The following LCLAT1 variants were observed in gnomAD, a reference collection of about 807,000 sequenced individuals.
The protein encoded by LCLAT1 is lysocardiolipin acyltransferase 1.
A neutral mutation model predicts 30.7 loss-of-function variants in LCLAT1; 11 were observed. The observed-to-expected ratio is 0.36, with a 90% CI of 0.23 to 0.59. The LOEUF (loss-of-function observed/expected upper bound fraction) is 0.59, where lower values mean the gene tolerates loss of function less well. Among genes scored for constraint, LCLAT1 ranks in the 20% least tolerant of loss-of-function variants. LCLAT1 has a pLI of 0.77. For missense variants in LCLAT1, 402 were observed against 458.6 expected, an observed-to-expected ratio of 0.88 and a Z score of 1.13; for synonymous variants, 155 against 151.3, an observed-to-expected ratio of 1.02 and a Z score of -0.18.
intron 3 of LCLAT1, among the ~76,000 whole-genome samples, chr2:30,544,630 C>T (rs556179478): frequency 6.8e-5 from 10 of 147,616 alleles, no homozygotes; most frequent in Middle Eastern, 3.4e-3. Flanking sequence ...GGCTAGAGTC[C>T]TTCTCAACTT....
intron 4 of LCLAT1, among the ~76,000 whole-genome samples, chr2:30,567,479 T>C (rs1408360060): frequency 6.6e-6 from 1 of 152,212 alleles, no homozygotes; most frequent in African/African-American, 2.4e-5. Flanking sequence ...TTATCTACTA[T>C]ATGCTTGCTT....
At chr2:30,572,836 G>T (rs1425331808) in intron 5 of LCLAT1, among the ~76,000 whole-genome samples, 10 of 149,842 alleles carry the variant, frequency 6.7e-5, no homozygotes, top group African/African-American at 2.5e-4. Flanking sequence ...TCTGATTCCT[G>T]CCTTTACCAG....
At chr2:30,637,881 A>G (rs908622253) in intron 5 of LCLAT1, among the ~76,000 whole-genome samples, 3 of 151,964 alleles carry the variant, frequency 2.0e-5, no homozygotes, top group African/African-American at 4.8e-5. Flanking sequence ...CCCAGCCCCC[A>G]GTTCTCTTCT....
intron 5 of LCLAT1, among the ~76,000 whole-genome samples, chr2:30,587,533 C>G (rs1666497462): frequency 6.6e-6 from 1 of 152,136 alleles, no homozygotes; most frequent in Admixed American, 6.5e-5. Context: ...TTAAACTAGT[C>G]TTTTGAAGTT....
intron 1 of LCLAT1, among the ~76,000 whole-genome samples, chr2:30,451,212 G>A (rs535565758): frequency 1.3e-5 from 2 of 152,322 alleles, no homozygotes; most frequent in Non-Finnish European, 2.9e-5. Flanking sequence ...AAGATGGACA[G>A]TGCCGGTGTT....
chr2:30,626,608 C>G (rs1295790882), intron 5 of LCLAT1, among the ~76,000 whole-genome samples: 2 of 152,084 alleles, frequency 1.3e-5, no homozygotes, highest in African/African-American at 4.8e-5. Flanking sequence ...TAACTAACTT[C>G]TGCATTTATT....
At chr2:30,579,994 G>A (rs977462098) in intron 5 of LCLAT1, among the ~76,000 whole-genome samples, 6 of 152,042 alleles carry the variant, frequency 3.9e-5, no homozygotes, top group East Asian at 3.9e-4. Context: ...ATTATGTTCA[G>A]TTAAAAGAGA....
At chr2:30,594,021 T>C (rs1258623582) in intron 5 of LCLAT1, among the ~76,000 whole-genome samples, 2 of 152,104 alleles carry the variant, frequency 1.3e-5, no homozygotes, top group Non-Finnish European at 2.9e-5. Flanking sequence ...CTAAAAAAAT[T>C]ACATAAGAAA....
At chr2:30,495,228 T>G (rs1174453644) in intron 1 of LCLAT1, among the ~76,000 whole-genome samples, 1 of 152,186 alleles carries the variant, frequency 6.6e-6, no homozygotes, top group African/African-American at 2.4e-5. Flanking sequence ...CACAAATCAT[T>G]ATGTACATTC....
At chr2:30,455,846 G>T (rs1681806393) in intron 1 of LCLAT1, among the ~76,000 whole-genome samples, 1 of 147,906 alleles carries the variant, frequency 6.8e-6, no homozygotes, top group Non-Finnish European at 1.5e-5. Flanking sequence ...GGAGGTTGAG[G>T]CTGCAGTGAG....
At chr2:30,552,634 T>C (rs1664732082) in intron 3 of LCLAT1, 1 of 343,364 alleles carries the variant, frequency 2.9e-6, no homozygotes, top group Non-Finnish European at 6.1e-6. Context: ...GTGGAGAGCA[T>C]TACCCAGTTT....
At chr2:30,606,526 G>A (rs1667455276) in intron 5 of LCLAT1, 1 of 142,398 alleles carries the variant, frequency 7.0e-6, no homozygotes, top group Admixed American at 7.2e-5. Context: ...GGGAGAACTG[G>A]CTAGCCATAT....
At chr2:30,634,914 G>A (rs562108990) in intron 5 of LCLAT1, among the ~76,000 whole-genome samples, 8 of 152,296 alleles carry the variant, frequency 5.3e-5, no homozygotes, top group South Asian at 2.1e-4. Context: ...TTCCCTATAC[G>A]GAGAAGCTCA....
intron 1 of LCLAT1, among the ~76,000 whole-genome samples, chr2:30,525,301 T>C (rs559665170): frequency 1.9e-4 from 29 of 152,274 alleles, no homozygotes; most frequent in African/African-American, 6.5e-4. Context: ...GGTCTCGAAC[T>C]CCTGGCCTCA....
chr2:30,616,823 A>T (rs994707419), intron 5 of LCLAT1, among the ~76,000 whole-genome samples: 1 of 152,124 alleles, frequency 6.6e-6, no homozygotes, highest in Non-Finnish European at 1.5e-5. Context: ...CCTGTTTCAA[A>T]TAAAATGCTA....
chr2:30,483,313 A>G (rs1683405025), intron 1 of LCLAT1, among the ~76,000 whole-genome samples: 1 of 152,160 alleles, frequency 6.6e-6, no homozygotes, highest in African/African-American at 2.4e-5. Context: ...ACATAGGGAT[A>G]CCCTGTCTCT....
At chr2:30,483,957 G>C (rs1683444333) in intron 1 of LCLAT1, among the ~76,000 whole-genome samples, 1 of 151,974 alleles carries the variant, frequency 6.6e-6, no homozygotes, top group African/African-American at 2.4e-5. Context: ...TCATTTTCTT[G>C]TTAGTAAAAT....
chr2:30,526,044 A>G (rs1685703666), intron 2 of LCLAT1, among the ~76,000 whole-genome samples: 1 of 152,298 alleles, frequency 6.6e-6, no homozygotes, highest in East Asian at 1.9e-4. Flanking sequence ...CCATGAATAT[A>G]TTTGATCCAT....
At chr2:30,631,177 C>G (rs1668751535) in intron 5 of LCLAT1, among the ~76,000 whole-genome samples, 1 of 152,188 alleles carries the variant, frequency 6.6e-6, no homozygotes, top group African/African-American at 2.4e-5. Context: ...CTGGTACCTT[C>G]TATCTCCATT....
Sources: allele counts gnomAD v4.1 joint callset (sites outside exome capture counted in the v4.1 genomes callset), GRCh38; gene constraint gnomAD v4.1.1; transcripts MANE v1.5; gene names NCBI Gene and HGNC (gene_info 2026-07-23, HGNC 2026-07-21).